The following FGF13 variants were observed in gnomAD, a reference collection of about 807,000 sequenced individuals.
FGF13 encodes the protein fibroblast growth factor 13, also known as fibroblast growth factor homologous factor 2.
Under a neutral mutation model 19.5 loss-of-function variants are expected in FGF13, and 2 were observed. The ratio of observed to expected loss-of-function variants is 0.10; its 90% CI spans 0.04 to 0.32. The LOEUF (loss-of-function observed/expected upper bound fraction) is 0.32, where lower values mean the gene tolerates loss of function less well. Ranked by LOEUF, FGF13 falls within the 10% of genes least tolerant of loss-of-function variation. The pLI is 1.00. For synonymous variants in FGF13, 72 were observed against 76.9 expected (o/e 0.94, Z 0.33); for missense variants, 113 against 192.7 (o/e 0.59, Z 2.45).
intron 3 of FGF13, among the ~76,000 whole-genome samples, chrX:138,680,417 G>C (rs976538784): frequency 8.9e-6 from 1 of 111,814 alleles, no homozygotes; most frequent in African/African-American, 3.3e-5. Context: ...TTCTTAAATA[G>C]GAAGACTTGA....
At chrX:138,998,257 A>G (rs1236559563) in intron 1 of FGF13, among the ~76,000 whole-genome samples, 1 of 111,734 alleles carries the variant, frequency 8.9e-6, no homozygotes, top group Non-Finnish European at 1.9e-5. Context: ...CATCGACGCT[A>G]TGAAGAAACT....
At chrX:138,745,012 T>C (rs1011247024) in intron 3 of FGF13, among the ~76,000 whole-genome samples, 7 of 112,133 alleles carry the variant, frequency 6.2e-5, no homozygotes, top group Non-Finnish European at 1.1e-4. Context: ...TACGTGTTAT[T>C]ACTGACAAGA....
intron 3 of FGF13, among the ~76,000 whole-genome samples, chrX:138,678,362 T>C: frequency 8.9e-6 from 1 of 111,781 alleles, no homozygotes; most frequent in East Asian, 2.8e-4. Context: ...AAACTTAAAG[T>C]ATAATAATAA....
Position 138,745,895 on chromosome X carries a change from C to T in FGF13, c.218-36967G>A, listed in dbSNP as rs192887209. On this transcript the variant is annotated intron_variant, in intron 3 of 6. Coordinates refer to the FGF13 transcript ENST00000436198. ...TATAAGGCTCTGAGGCTGTACCAGG[C>T]CTGGCAAGACTCAGAGAAGGTGAGA... is the stretch of plus-strand genomic sequence containing the variant. Among the ~76,000 whole-genome samples, 8 of 111,596 alleles carry T rather than the reference C, an allele frequency of 7.2e-5. No individual in the cohort carries two copies. The East Asian group carries it at 2.3e-3, about 32-fold the overall frequency.
chrX:138,855,823 T>A (rs190234176), downstream of FGF13, among the ~76,000 whole-genome samples: 15 of 112,138 alleles, frequency 1.3e-4, 1 homozygote, highest in Middle Eastern at 0.014. Flanking sequence ...AACTGTTTTT[T>A]AAAATCTGAA....
rs2088977098 is a variant in FGF13 at position 138,617,258 on chromosome X, A to G, written c.*15592T>C. The G allele has an allele frequency of 8.9e-6, 1 of 112,022 alleles. No homozygotes were observed. The highest frequency in any genetic ancestry group is 3.2e-5 in the African/African-American group (1 of 30,840). 9.2% of individuals were successfully genotyped at this position (112,022 alleles called of 1,213,427 possible). On this transcript the variant is annotated 3_prime_UTR_variant, in exon 5 of 5. Coordinates refer to ENST00000315930, the MANE Select transcript of FGF13 (RefSeq NM_004114.5). ...AAGAAATATAGAAATATTAAACTCT[A>G]CTTCCTGATATGCATGATAAAGGGT...
rs2088984098 is a variant in FGF13 at position 138,618,049 on chromosome X, G to T, written c.*14801C>A. On this transcript the variant is annotated 3_prime_UTR_variant, in exon 5 of 5. Coordinates refer to ENST00000315930, the MANE Select transcript of FGF13 (RefSeq NM_004114.5). ...AAAAATAATTAAAATATGCATTTTA[G>T]ATATTGGGGTGATGTCAGCAAGATG... 1 of 111,398 alleles carries T rather than the reference G, an allele frequency of 9.0e-6. No homozygotes were observed. Among genetic ancestry groups the T allele is most frequent in the Non-Finnish European group, 1.9e-5 (1 of 53,076 alleles). 9.2% of individuals were successfully genotyped at this position (111,398 alleles called of 1,213,427 possible).
In FGF13 at chrX:138,711,081, T is replaced by C. The variant is rs894440926; in HGVS notation, c.-78A>G. The C allele has an allele frequency of 8.5e-7, 1 of 1,174,179 alleles. No homozygotes were observed. The highest frequency in any genetic ancestry group is 1.8e-5 in the African/African-American group (1 of 56,931). On this transcript the variant is annotated 5_prime_UTR_variant, in exon 1 of 5. Transcript: ENST00000315930. ...CTCCTCCTCCTTCTCCTCCGCTGCT[T>C]GTCCGCTGTCTCGCGACTTCGCCGC...
intron 3 of FGF13, among the ~76,000 whole-genome samples, chrX:138,778,604 C>G (rs979386786): frequency 6.2e-5 from 7 of 112,491 alleles, no homozygotes; most frequent in African/African-American, 2.3e-4. Context: ...CTGCGCTTTT[C>G]CGACAGGCTT....
At chrX:138,975,239 G>A (rs1292561976) in intron 1 of FGF13, among the ~76,000 whole-genome samples, 2 of 112,803 alleles carry the variant, frequency 1.8e-5, no homozygotes, top group Non-Finnish European at 3.7e-5. Context: ...GCAAGCCTGT[G>A]ACATGTGCAG....
chrX:139,069,559 C>T (rs1370047544), intron 1 of FGF13, among the ~76,000 whole-genome samples: 1 of 102,507 alleles, frequency 9.8e-6, no homozygotes, highest in Non-Finnish European at 2.0e-5. Flanking sequence ...CACATGTATA[C>T]ATAGGTAACT....
chrX:138,989,724 GA>G (rs1319559049), intron 1 of FGF13, among the ~76,000 whole-genome samples: 1 of 100,842 alleles, frequency 9.9e-6, no homozygotes, highest in Non-Finnish European at 2.0e-5. Flanking sequence ...TAATGACATG[GA>G]AAAACAATCA....
At chrX:139,178,969 G>A (rs1027004364) in intron 1 of FGF13, among the ~76,000 whole-genome samples, 15 of 111,871 alleles carry the variant, frequency 1.3e-4, no homozygotes, top group Non-Finnish European at 1.9e-4. Flanking sequence ...TGAAAGGAAA[G>A]AAGGAAAGAG....
rs929195687 is a variant in FGF13 at position 138,931,897 on chromosome X, A to G, written c.-112-67247T>C. ...AGTATATAAATAAGAAAAAATGACC[A>G]AAACTCAGTTTGTAACAAATGGGCC... On this transcript the variant is annotated intron_variant, in intron 1 of 2. Coordinates refer to the FGF13 transcript ENST00000421460. Among the ~76,000 whole-genome samples the G allele has an allele frequency of 3.0e-4, 33 of 111,741 alleles. No individual in the cohort carries two copies. In the Admixed American group the frequency reaches 3.1e-3, roughly 11 times the overall value.
chrX:138,980,871 A>G (rs2091961002), intron 1 of FGF13, among the ~76,000 whole-genome samples: 1 of 111,446 alleles, frequency 9.0e-6, no homozygotes, highest in Admixed American at 9.6e-5. Context: ...AAAAAGTCAA[A>G]TAGAACAGAG....
chrX:139,048,699 T>C (rs2092295381), intron 1 of FGF13, among the ~76,000 whole-genome samples: 1 of 110,459 alleles, frequency 9.1e-6, no homozygotes, highest in East Asian at 2.8e-4. Flanking sequence ...AATGGGATTT[T>C]GTCCTGTTTC....
chrX:139,170,353 C>A (rs763556617), intron 1 of FGF13, among the ~76,000 whole-genome samples: 2 of 111,594 alleles, frequency 1.8e-5, no homozygotes, highest in South Asian at 7.6e-4. Flanking sequence ...TTGTTTCCTG[C>A]ATACAGCCCT....
At position 138,621,465 on chromosome X, in the gene FGF13, T is replaced by G. The variant is rs368406890; in HGVS notation, c.*11385A>C. 1.8e-5 allele frequency: 2 copies of G among 110,440 alleles called. No homozygotes were observed. Among genetic ancestry groups the G allele is most frequent in the East Asian group, 5.7e-4 (2 of 3,490 alleles). The allele number at this position is 110,440 out of a possible 1,213,427, so 9.1% of individuals were successfully genotyped here. A position where few individuals can be genotyped will look rare whatever the true frequency, so the allele number is the denominator to read the frequency against. ...TATGGGATGCAGCAAAAGGCATTTC[T>G]AAGAAGGAAGTTTATAGTGATAAAT... On this transcript the variant is annotated 3_prime_UTR_variant, in exon 5 of 5. Coordinates refer to ENST00000315930, the MANE Select transcript of FGF13 (RefSeq NM_004114.5).
At chrX:138,956,912 C>A (rs775493109) in intron 1 of FGF13, among the ~76,000 whole-genome samples, 3 of 111,680 alleles carry the variant, frequency 2.7e-5, no homozygotes, top group Non-Finnish European at 5.6e-5. Context: ...TGTAAAAGTA[C>A]ACATTTCTGG....
Sources: allele counts gnomAD v4.1 joint callset (sites outside exome capture counted in the v4.1 genomes callset), GRCh38; gene constraint gnomAD v4.1.1; transcripts MANE v1.5; gene names NCBI Gene and HGNC (gene_info 2026-07-23, HGNC 2026-07-21).